Variants in RUNDC1 observed in about 807,000 individuals in gnomAD.
RUNDC1 encodes RUN domain-containing protein 1.
Under a neutral mutation model 49.3 loss-of-function variants are expected in RUNDC1, and 31 were observed. The observed-to-expected ratio is 0.63, with a 90% CI of 0.47 to 0.85. The LOEUF (loss-of-function observed/expected upper bound fraction) is 0.85. Among genes scored for constraint, RUNDC1 ranks in the 40% least tolerant of loss-of-function variants. The pLI is 0.00. For missense variants in RUNDC1, 715 were observed against 806.7 expected, an observed-to-expected ratio of 0.89 and a Z score of 1.38; for synonymous variants, 347 against 348.6, an observed-to-expected ratio of 1.00 and a Z score of 0.05.
Position 42,992,747 on chromosome 17 carries a change from C to A in RUNDC1, c.*1031C>A, listed in dbSNP as rs2050261823. ...GAGACTATATATTCCATGGCTGCCT[C>A]TAAGACTAGGAATAGGAATATCTGA... On this transcript the variant is annotated 3_prime_UTR_variant, in exon 5 of 5. Coordinates refer to ENST00000361677, the MANE Select transcript of RUNDC1 (RefSeq NM_173079.5). 1 of 152,108 alleles carries A rather than the reference C, an allele frequency of 6.6e-6. No individual in the cohort carries two copies. Among genetic ancestry groups the A allele is most frequent in the Non-Finnish European group, 1.5e-5 (1 of 68,030 alleles). 9.4% of individuals were successfully genotyped at this position (152,108 alleles called of 1,614,324 possible). A position where few individuals can be genotyped will look rare whatever the true frequency, so the allele number is the denominator to read the frequency against.
At chr17:42,981,236 G>A in intron 1 of RUNDC1, 162 bp downstream of exon 1, 1 of 910,796 alleles carries the variant, frequency 1.1e-6, no homozygotes, top group South Asian at 1.8e-5. Flanking sequence ...GCCGGCTGAA[G>A]GGCAAGAGGA....
Position 42,991,985 on chromosome 17 carries a change from CG to C in RUNDC1, c.*272del, listed in dbSNP as rs2050250427. ...ATCCCAGCACTTTGGGAGGCCGAGG[CG>C]GGCGGATCACAAGGTCAGGAGTTCG... On this transcript the variant is annotated 3_prime_UTR_variant, in exon 5 of 5. Transcript: ENST00000361677. The C allele has an allele frequency of 2.5e-6, 1 of 396,208 alleles. No individual in the cohort carries two copies. Among genetic ancestry groups the C allele is most frequent in the Non-Finnish European group, 4.7e-6 (1 of 212,792 alleles). The allele number at this position is 396,208 out of a possible 1,614,324, so 24.5% of individuals were successfully genotyped here. A position where few individuals can be genotyped will look rare whatever the true frequency, so the allele number is the denominator to read the frequency against.
chr17:42,984,599 T>G (rs2151957478), intron 1 of RUNDC1, among the ~76,000 whole-genome samples: 1 of 152,338 alleles, frequency 6.6e-6, no homozygotes, highest in South Asian at 2.1e-4. Context: ...TTTATGTTAT[T>G]TCCTGCTTTG....
Position 42,980,798 on chromosome 17 carries a change from TTCGCCGGGCC to T in RUNDC1, c.223_232del (p.Ser75GlyfsTer61). On this transcript the variant is annotated frameshift_variant, in exon 1 of 5. Coordinates refer to ENST00000361677, the MANE Select transcript of RUNDC1 (RefSeq NM_173079.5). LOFTEE classifies it high-confidence loss of function. Reference sequence around the variant, plus strand: ...GCGCGGCCCCGGGCTCCCCGCCGGATTCGCCGGGCCGGACGCTGCGGCGGCTGCGGGCAGA... The same window carrying T: ...GCGCGGCCCCGGGCTCCCCGCCGGATGGACGCTGCGGCGGCTGCGGGCAGA... The T allele has an allele frequency of 7.1e-7, 1 of 1,400,354 alleles. No individual in the cohort carries two copies. The highest frequency in any genetic ancestry group is 9.2e-7 in the Non-Finnish European group (1 of 1,088,796). 86.7% of individuals were successfully genotyped at this position (1,400,354 alleles called of 1,614,324 possible). A position where few individuals can be genotyped will look rare whatever the true frequency, so the allele number is the denominator to read the frequency against.
Position 42,981,034 on chromosome 17 carries a change from G to T in RUNDC1, c.458G>T (p.Gly153Val). The change falls in exon 1 of 5, where the codon GGG becomes GTG. Residue 153 changes from glycine (G) to valine (V), a missense_variant. This residue lies in a region of RUNDC1 where 113 missense variants were observed against 93.4 expected (regional missense o/e 1.21). Transcript: ENST00000361677. ...PGDPASDEGD[G>V]LPGDRPWLRG... Reference sequence around the variant, plus strand: ...GACCCCGCCAGCGATGAGGGCGATGGGCTGCCAGGGGACCGGCCATGGTTG... The same window carrying T: ...GACCCCGCCAGCGATGAGGGCGATGTGCTGCCAGGGGACCGGCCATGGTTG... The T allele has an allele frequency of 6.4e-7, 1 of 1,555,614 alleles. No individual in the cohort carries two copies. The highest frequency in any genetic ancestry group is 1.2e-5 in the South Asian group (1 of 85,764).
At position 42,980,946 on chromosome 17, in the gene RUNDC1, C is replaced by G; in HGVS notation, c.370C>G (p.Arg124Gly). 6.5e-7 allele frequency: 1 copy of G among 1,540,352 alleles called. No homozygotes were observed. Among genetic ancestry groups the G allele is most frequent in the Non-Finnish European group, 8.7e-7 (1 of 1,149,682 alleles). The change falls in exon 1 of 5, where the codon CGG becomes GGG. Residue 124 changes from arginine (R) to glycine (G), a missense_variant. Physicochemically the swap from Arg to Gly is moderately radical, Grantham distance 125. Transcript: ENST00000361677. Reference protein sequence around the residue: ...GAPAEQQRLLRELEDFAFRGC... With the variant: ...GAPAEQQRLLGELEDFAFRGC... Reference sequence around the variant, plus strand: ...GCCGGCGGAGCAGCAGCGCCTTCTGCGGGAGCTCGAAGACTTCGCCTTCCG... The same window carrying G: ...GCCGGCGGAGCAGCAGCGCCTTCTGGGGGAGCTCGAAGACTTCGCCTTCCG...
rs2050242556 is a variant in RUNDC1 at position 42,991,504 on chromosome 17, A to G, written c.1630A>G (p.Met544Val). Reference protein sequence around the residue: ...ADSELKALVCMALNEQRLVSW... With the variant: ...ADSELKALVCVALNEQRLVSW... ...CTCAGAATTGAAGGCCTTGGTGTGC[A>G]TGGCACTGAATGAGCAGCGTCTGGT... The change falls in exon 5 of 5, where the codon ATG (methionine) becomes GTG (valine). Residue 544 changes from methionine to valine, a missense_variant. Around this residue, in one of 5 missense-constraint regions of RUNDC1, gnomAD observed 425 missense variants for 499.7 expected, o/e 0.85. Coordinates refer to ENST00000361677, the MANE Select transcript of RUNDC1 (RefSeq NM_173079.5). 2.5e-6 allele frequency: 4 copies of G among 1,614,064 alleles called. No homozygotes were observed. The highest frequency in any genetic ancestry group is 3.3e-4 in the Middle Eastern group (2 of 6,084).
intron 2 of RUNDC1, among the ~76,000 whole-genome samples, chr17:42,988,778 A>C (rs2050202059): frequency 1.3e-5 from 2 of 152,092 alleles, no homozygotes; most frequent in Non-Finnish European, 2.9e-5. Flanking sequence ...CAGAAGTTTG[A>C]GGCCAGCCTG....
chr17:42,981,394 C>T (rs369139062), intron 1 of RUNDC1: 3 of 330,172 alleles, frequency 9.1e-6, no homozygotes, highest in African/African-American at 6.4e-5. Context: ...TGCGCCCACT[C>T]ACCTTTCCCT....
intron 1 of RUNDC1, among the ~76,000 whole-genome samples, chr17:42,982,899 A>G (rs926148559): frequency 6.6e-6 from 1 of 151,744 alleles, no homozygotes; most frequent in Non-Finnish European, 1.5e-5. Context: ...AGGCAGGAGA[A>G]TCGCTTGAAC....
rs1169462984 is a variant in RUNDC1 at position 42,992,612 on chromosome 17, TGTTA to T, written c.*901_*904del. 1 of 150,770 alleles carries T rather than the reference TGTTA, an allele frequency of 6.6e-6. No individual in the cohort carries two copies. The highest frequency in any genetic ancestry group is 2.4e-5 in the African/African-American group (1 of 41,198). The allele number at this position is 150,770 out of a possible 1,614,324, so 9.3% of individuals were successfully genotyped here. A position where few individuals can be genotyped will look rare whatever the true frequency, so the allele number is the denominator to read the frequency against. Reference sequence around the variant, plus strand: ...AAAAAGACATTCAACTTGAGGCTCCTGTTAGTTAAGCTATCTTCTTTCACTTGAA... The same window carrying T: ...AAAAAGACATTCAACTTGAGGCTCCTGTTAAGCTATCTTCTTTCACTTGAA... On this transcript the variant is annotated 3_prime_UTR_variant, in exon 5 of 5. Transcript: ENST00000361677.
intron 1 of RUNDC1, among the ~76,000 whole-genome samples, chr17:42,984,032 T>C (rs553566607): frequency 6.6e-6 from 1 of 151,600 alleles, no homozygotes; most frequent in East Asian, 2.0e-4. Context: ...TGCAGCAGCA[T>C]GATCACAACT....
intron 2 of RUNDC1, among the ~76,000 whole-genome samples, chr17:42,988,631 A>G (rs1276220964): frequency 6.6e-6 from 1 of 152,068 alleles, no homozygotes; most frequent in Non-Finnish European, 1.5e-5. Flanking sequence ...TTTTATAGAG[A>G]TTTTTCTTTA....
At position 42,980,902 on chromosome 17, in the gene RUNDC1, G is replaced by T; in HGVS notation, c.326G>T (p.Arg109Leu). The T allele has an allele frequency of 6.5e-7, 1 of 1,528,226 alleles. No individual in the cohort carries two copies. Among genetic ancestry groups the T allele is most frequent in the South Asian group, 1.2e-5 (1 of 83,604 alleles). 94.7% of individuals were successfully genotyped at this position (1,528,226 alleles called of 1,614,324 possible). A position where few individuals can be genotyped will look rare whatever the true frequency, so the allele number is the denominator to read the frequency against. The change falls in exon 1 of 5, where the codon CGC (arginine) becomes CTC (leucine). Residue 109 changes from arginine (R) to leucine (L), a missense_variant. By Grantham distance (102) the Arg-to-Leu change is moderately radical. Transcript: ENST00000361677. ...TTCGCGCAGGTGCAGTTCCGCCTGC[G>T]CCAGGTGGTGCGCGGGGCGCCGGCG... ...SHFAQVQFRL[R>L]QVVRGAPAEQ...
At chr17:42,986,643 G>T (rs374608891) in intron 1 of RUNDC1, among the ~76,000 whole-genome samples, 72 of 152,000 alleles carry the variant, frequency 4.7e-4, no homozygotes, top group African/African-American at 1.6e-3. Flanking sequence ...GACTACAGGC[G>T]CCCGCCACCA....
At position 42,982,819 on chromosome 17, in the gene RUNDC1, CAA is replaced by C. The variant is rs59693674; in HGVS notation, c.498+1762_498+1763del. 1.9e-3 allele frequency among the ~76,000 whole-genome samples: 228 copies of C among 118,580 alleles called. 1 individual carries two copies. Among genetic ancestry groups the C allele is most frequent in the Middle Eastern group, 4.1e-3 (1 of 246 alleles). 77.8% of individuals were successfully genotyped at this position (118,580 alleles called of 152,430 possible). On this transcript the variant is annotated intron_variant, in intron 1 of 4. Coordinates refer to ENST00000361677, the MANE Select transcript of RUNDC1 (RefSeq NM_173079.5). The stretch of plus-strand genomic sequence containing the variant: ...TGAAACCCCGTCTCTACTAAAAATA[CAA>C]AAAAAAAAAAAAAAAACTAGCCAGA...
rs323508 is a variant in RUNDC1 at position 42,994,804 on chromosome 17, A to G, written c.*3088A>G. 0.94 allele frequency among the ~76,000 whole-genome samples: 142,473 copies of G among 152,214 alleles called. 67,412 individuals carry two copies. Among genetic ancestry groups the G allele is most frequent in the East Asian group, 1 (5,182 of 5,182 alleles). The stretch of plus-strand genomic sequence containing the variant: ...TACTGAGAACAGAGCTCTGTCCTTC[A>G]CTTAGGGTGAGACAGGACAAGGGAG... On this transcript the variant is annotated 3_prime_UTR_variant, in exon 5 of 5. Transcript: ENST00000361677.
rs749603489 is a variant in RUNDC1 at position 42,989,432 on chromosome 17, A to G, written c.749A>G (p.Asp250Gly). Reference sequence around the variant, plus strand: ...ACTGAAGAGCTTCGTCAGCGTGTAGATGCAGCAGTGGCTCAGATCGTCAAC... The same window carrying G: ...ACTGAAGAGCTTCGTCAGCGTGTAGGTGCAGCAGTGGCTCAGATCGTCAAC... Reference protein sequence around the residue: ...LSTEELRQRVDAAVAQIVNPA... With the variant: ...LSTEELRQRVGAAVAQIVNPA... The change falls in exon 3 of 5, where the codon GAT (aspartate) becomes GGT (glycine). Residue 250 changes from aspartate (D) to glycine (G), a missense_variant. Asp to Gly is a moderately conservative substitution (Grantham distance 94, BLOSUM62 -1). This residue lies in a region of RUNDC1 where 425 missense variants were observed against 499.7 expected (regional missense o/e 0.85). Coordinates refer to ENST00000361677, the MANE Select transcript of RUNDC1 (RefSeq NM_173079.5). 1.9e-6 allele frequency: 3 copies of G among 1,614,128 alleles called. No homozygotes were observed. The highest frequency in any genetic ancestry group is 2.5e-6 in the Non-Finnish European group (3 of 1,180,010).
At chr17:42,981,533 C>T (rs140487545) in intron 1 of RUNDC1, 1 of 160,642 alleles carries the variant, frequency 6.2e-6, no homozygotes, top group East Asian at 1.8e-4. Context: ...TCCCTGCTTT[C>T]CTGAAATCTA....
Sources: gnomAD v4.1 joint callset for allele counts (sites outside exome capture counted in the v4.1 genomes callset) on GRCh38, gnomAD v4.1.1 for gene constraint, gnomAD v4.1.1 regional missense constraint, MANE v1.5 for transcripts, NCBI Gene and HGNC (gene_info 2026-07-23, HGNC 2026-07-21) for gene names.